COL17A1: variants seen among roughly 807,000 people sequenced by gnomAD.
COL17A1 encodes collagen type XVII alpha 1 chain.
COL17A1 carries 181 observed loss-of-function variants against 218.4 expected under a neutral mutation model. The ratio of observed to expected loss-of-function variants is 0.83; its 90% CI spans 0.73 to 0.94. The LOEUF (loss-of-function observed/expected upper bound fraction) is 0.94, where lower values mean the gene tolerates loss of function less well. Ranked by LOEUF, COL17A1 falls within the 40% of genes least tolerant of loss-of-function variation. The pLI, the probability that COL17A1 is intolerant of heterozygous loss-of-function variation, is 0.00. For missense variants in COL17A1, 1,924 were observed against 1,945.9 expected, an observed-to-expected ratio of 0.99 and a Z score of 0.21; for synonymous variants, 721 against 731.0, an observed-to-expected ratio of 0.99 and a Z score of 0.22.
chr10:104,033,206 C>T, intron 53 of COL17A1, 32 bp downstream of exon 53: 2 of 1,571,200 alleles, frequency 1.3e-6, no homozygotes, highest in Non-Finnish European at 1.7e-6. Flanking sequence ...TGCAGTGAGG[C>T]AGGTGCTGGG....
intron 9 of COL17A1, among the ~76,000 whole-genome samples, chr10:104,065,581 C>T (rs1189688876): frequency 6.6e-6 from 1 of 152,224 alleles, no homozygotes; most frequent in African/African-American, 2.4e-5. Flanking sequence ...ATAGAGGAGA[C>T]ATTTAATAAA....
intron 4 of COL17A1, among the ~76,000 whole-genome samples, chr10:104,077,116 A>G (rs2086717488): frequency 6.6e-6 from 1 of 152,230 alleles, no homozygotes; most frequent in Admixed American, 6.5e-5. Context: ...CTACCTACCC[A>G]TGAAGTCTTA....
intron 1 of COL17A1, among the ~76,000 whole-genome samples, chr10:104,084,660 G>T (rs1336914085): frequency 6.6e-6 from 1 of 152,090 alleles, no homozygotes; most frequent in African/African-American, 2.4e-5. Flanking sequence ...TTGTTCCTGT[G>T]TAAACTCTGA....
In COL17A1 at chr10:104,078,605, A is replaced by T. The variant is rs1472812623; in HGVS notation, c.53-19T>A. ...GTGACAACTAGAAAAAGACAAAGAA[A>T]AGATGAGTTCTTATGTAATGCACTG... On this transcript the variant is annotated intron_variant, in intron 2 of 55. Coordinates refer to ENST00000648076, the MANE Select transcript of COL17A1 (RefSeq NM_000494.4). The T allele has an allele frequency of 1.9e-6, 3 of 1,613,988 alleles. No homozygotes were observed. The African/African-American group carries it at 4.0e-5, about 22-fold the overall frequency.
chr10:104,042,548 A>C, intron 35 of COL17A1, 93 bp from the exon 36 acceptor site: 1 of 1,270,578 alleles, frequency 7.9e-7, no homozygotes, highest in South Asian at 1.2e-5. Flanking sequence ...CATGGAACAG[A>C]GACCCAAAGA....
chr10:104,083,015 C>T (rs1396545412), intron 1 of COL17A1, among the ~76,000 whole-genome samples: 1 of 151,486 alleles, frequency 6.6e-6, no homozygotes, highest in Non-Finnish European at 1.5e-5. Context: ...TCTGAAGCCA[C>T]CCCAATGTCT....
At chr10:104,046,047 G>A (rs1192174248) in intron 32 of COL17A1, among the ~76,000 whole-genome samples, 1 of 152,168 alleles carries the variant, frequency 6.6e-6, no homozygotes, top group African/African-American at 2.4e-5. Context: ...GTTTTGGAGG[G>A]TTCCATCCCT....
Position 104,031,988 on chromosome 10 carries a change from A to C in COL17A1, c.*247T>G, listed in dbSNP as rs1185562220. ...GTTCAGATCTAGATAGCAGAGAAGTAAGTCTCATTCTAAAACATTGCAACT... is the reference window on the plus strand; with the variant it reads ...GTTCAGATCTAGATAGCAGAGAAGTCAGTCTCATTCTAAAACATTGCAACT... On this transcript the variant is annotated 3_prime_UTR_variant, in exon 56 of 56. Coordinates refer to ENST00000648076, the MANE Select transcript of COL17A1 (RefSeq NM_000494.4). The C allele has an allele frequency of 1.7e-6, 1 of 586,610 alleles. No individual in the cohort carries two copies. Among genetic ancestry groups the C allele is most frequent in the East Asian group, 2.8e-5 (1 of 35,170 alleles). The allele number at this position is 586,610 out of a possible 1,614,324, so 36.3% of individuals were successfully genotyped here.
intron 3 of COL17A1, 152 bp from the exon 4 acceptor site, chr10:104,077,678 C>G (rs552044534): frequency 1.4e-6 from 1 of 702,116 alleles, no homozygotes; most frequent in East Asian, 2.7e-5. Context: ...ATGCAAGCTG[C>G]CATGCTCCAG....
At chr10:104,063,588 A>C (rs2086601299) in intron 11 of COL17A1, 159 bp downstream of exon 11, 5 of 1,157,824 alleles carry the variant, frequency 4.3e-6, no homozygotes, top group Non-Finnish European at 5.0e-6. Flanking sequence ...TTGGGGTCTG[A>C]GTTCTCCCTG....
intron 9 of COL17A1, among the ~76,000 whole-genome samples, chr10:104,068,258 A>C (rs930124066): frequency 6.8e-6 from 1 of 147,760 alleles, no homozygotes; most frequent in Non-Finnish European, 1.5e-5. Context: ...TCTTATGAAA[A>C]GGAGAGGAGA....
chr10:104,068,307 G>A (rs2086643650), intron 9 of COL17A1, among the ~76,000 whole-genome samples: 1 of 152,220 alleles, frequency 6.6e-6, no homozygotes, highest in South Asian at 2.1e-4. Flanking sequence ...ATCATAGAAT[G>A]TCAAACTAAA....
intron 45 of COL17A1, 52 bp downstream of exon 45, chr10:104,038,354 G>C (rs2086323320): frequency 6.8e-6 from 11 of 1,611,726 alleles, no homozygotes; most frequent in East Asian, 2.2e-5. Flanking sequence ...CTTGCAAAGA[G>C]ACTGTATCTC....
chr10:104,057,428 T>A (rs2086540876), intron 16 of COL17A1, among the ~76,000 whole-genome samples: 3 of 12,114 alleles, frequency 2.5e-4, no homozygotes, highest in Non-Finnish European at 4.3e-3. Flanking sequence ...TCCGTTTTTA[T>A]AACATGGGGT....
intron 20 of COL17A1, among the ~76,000 whole-genome samples, 163 bp downstream of exon 20, chr10:104,054,818 C>T (rs2086504096): frequency 6.6e-6 from 1 of 152,164 alleles, no homozygotes; most frequent in Admixed American, 6.5e-5. Context: ...CTGTGTCCAG[C>T]CAAAGGTCCC....
chr10:104,054,863 C>T (rs2086504608), intron 20 of COL17A1, 118 bp downstream of exon 20: 1 of 1,496,602 alleles, frequency 6.7e-7, no homozygotes, highest in South Asian at 1.2e-5. Context: ...ACACACCTGT[C>T]CCATCTGTTG....
At chr10:104,064,721 C>T in intron 9 of COL17A1, 125 bp from the exon 10 acceptor site, 2 of 895,952 alleles carry the variant, frequency 2.2e-6, no homozygotes, top group Non-Finnish European at 3.6e-6. Flanking sequence ...ATTTCAGGAA[C>T]TTTCTCAGTC....
chr10:104,043,681 TCTC>T, intron 34 of COL17A1, 100 bp from the exon 35 acceptor site: 4 of 1,512,234 alleles, frequency 2.6e-6, no homozygotes, highest in Non-Finnish European at 3.7e-6. Context: ...CATTTCTTCT[TCTC>T]ATCGCTGCTA....
At chr10:104,078,983 C>T in intron 2 of COL17A1, among the ~76,000 whole-genome samples, 1 of 152,204 alleles carries the variant, frequency 6.6e-6, no homozygotes. Flanking sequence ...TCTCTCAGTT[C>T]AGCTGAGACC....
Sources: allele counts gnomAD v4.1 joint callset (sites outside exome capture counted in the v4.1 genomes callset), GRCh38; gene constraint gnomAD v4.1.1; transcripts MANE v1.5; gene names NCBI Gene and HGNC (gene_info 2026-07-23, HGNC 2026-07-21).